ANKRD13C: variants seen among roughly 807,000 people sequenced by gnomAD.
ANKRD13C encodes the protein ankyrin repeat domain-containing protein 13C.
ANKRD13C carries 16 observed loss-of-function variants against 65.5 expected under a neutral mutation model. The ratio of observed to expected loss-of-function variants is 0.24; its 90% confidence interval spans 0.17 to 0.37. ANKRD13C has a LOEUF of 0.37. Ranked by LOEUF, ANKRD13C falls within the 10% of genes least tolerant of loss-of-function variation. ANKRD13C has a pLI of 1.00. For synonymous variants in ANKRD13C, 235 were observed against 238.7 expected (o/e 0.98, Z 0.14); for missense variants, 503 against 655.9 (o/e 0.77, Z 2.55).
chr1:70,344,956 T>C (rs1195296268), intron 1 of ANKRD13C, among the ~76,000 whole-genome samples: 2 of 152,142 alleles, frequency 1.3e-5, no homozygotes, highest in African/African-American at 4.8e-5. Flanking sequence ...GAGCAGTCTA[T>C]TTAAATTATT....
intron 9 of ANKRD13C, 47 bp downstream of exon 9, chr1:70,292,341 C>A: frequency 1.4e-6 from 2 of 1,394,570 alleles, no homozygotes; most frequent in South Asian, 1.6e-5. Flanking sequence ...GAAATCTATC[C>A]CCTCTCTTCT....
At chr1:70,283,904 G>T (rs1679511394) in intron 9 of ANKRD13C, among the ~76,000 whole-genome samples, 1 of 152,110 alleles carries the variant, frequency 6.6e-6, no homozygotes, top group Non-Finnish European at 1.5e-5. Context: ...TTTTATCAAT[G>T]ACTCTAAGGT....
intron 2 of ANKRD13C, among the ~76,000 whole-genome samples, chr1:70,326,463 TAA>T (rs766526707): frequency 4.6e-5 from 7 of 151,928 alleles, no homozygotes; most frequent in Non-Finnish European, 7.4e-5. Flanking sequence ...TTAAAAGAAA[TAA>T]GAGTGTTAAG....
chr1:70,354,080 C>T lies in ANKRD13C; in HGVS notation c.329G>A (p.Cys110Tyr). The T allele has an allele frequency of 6.2e-7, 1 of 1,611,080 alleles. No homozygotes were observed. The highest frequency in any genetic ancestry group is 8.5e-7 in the Non-Finnish European group (1 of 1,178,194). The change falls in exon 1 of 13, where the codon TGC (cysteine) becomes TAC (tyrosine). Residue 110 changes from cysteine (C) to tyrosine (Y), a missense_variant. Physicochemically the swap from Cys to Tyr is radical, Grantham distance 194 (BLOSUM62 -2). Transcript: ENST00000370944. ...CTCGTGCACCGGGTAGTGTGCGGGG[C>T]AACTGCCTCCATCCGCGACGACAGC... ...PVAVVADGGS[C>Y]PAHYPVHECV...
chr1:70,346,771 A>G (rs1450673440), intron 1 of ANKRD13C, among the ~76,000 whole-genome samples: 1 of 152,098 alleles, frequency 6.6e-6, no homozygotes. Flanking sequence ...CTTGCCTCAC[A>G]CAACAGCCCG....
intron 2 of ANKRD13C, among the ~76,000 whole-genome samples, chr1:70,335,182 G>A (rs760067929): frequency 4.9e-4 from 75 of 151,954 alleles, no homozygotes; most frequent in Non-Finnish European, 2.2e-4. Context: ...CGAGGCAGGC[G>A]GATCATGAGG....
Position 70,354,333 on chromosome 1 carries a change from C to G in ANKRD13C, c.76G>C (p.Gly26Arg), listed in dbSNP as rs753060944. 1 of 1,614,072 alleles carries G rather than the reference C, an allele frequency of 6.2e-7. No individual in the cohort carries two copies. The highest frequency in any genetic ancestry group is 8.5e-7 in the Non-Finnish European group (1 of 1,180,022). Reference protein sequence around the residue: ...SKEEGDLLEPGDEEAAAALGG... With the variant: ...SKEEGDLLEPRDEEAAAALGG... The stretch of plus-strand genomic sequence containing the variant: ...AGGGCAGCCGCCGCTTCCTCATCCC[C>G]GGGCTCCAGCAGGTCCCCTTCTTCT... Residue 26 changes from glycine (G) to arginine (R), a missense_variant, in exon 1 of 13, where the codon GGG becomes CGG. Gly to Arg is a moderately radical substitution (Grantham distance 125). Coordinates refer to ENST00000370944, the MANE Select transcript of ANKRD13C (RefSeq NM_030816.5).
intron 2 of ANKRD13C, among the ~76,000 whole-genome samples, chr1:70,335,177 C>G (rs935902777): frequency 1.3e-5 from 2 of 151,998 alleles, no homozygotes; most frequent in Non-Finnish European, 2.9e-5. Context: ...GAGGCCGAGG[C>G]AGGCGGATCA....
At chr1:70,284,875 A>G (rs56047219) in intron 9 of ANKRD13C, among the ~76,000 whole-genome samples, 15,171 of 152,054 alleles carry the variant, frequency 0.1, 2,499 homozygotes, top group African/African-American at 0.35. Flanking sequence ...TTCAGTTTTC[A>G]TTCCTGTTGT....
At chr1:70,318,743 C>T (rs914364305) in intron 3 of ANKRD13C, among the ~76,000 whole-genome samples, 2 of 140,386 alleles carry the variant, frequency 1.4e-5, no homozygotes, top group African/African-American at 2.7e-5. Flanking sequence ...AATGCAGCGG[C>T]GCAATCTTGG....
intron 1 of ANKRD13C, among the ~76,000 whole-genome samples, chr1:70,348,596 G>T (rs1572187388): frequency 2.0e-5 from 3 of 152,224 alleles, no homozygotes; most frequent in African/African-American, 4.8e-5. Flanking sequence ...TTCTGAAATT[G>T]AGATTTTTTC....
At chr1:70,318,895 A>G (rs887234163) in intron 3 of ANKRD13C, among the ~76,000 whole-genome samples, 4 of 151,900 alleles carry the variant, frequency 2.6e-5, no homozygotes, top group Non-Finnish European at 5.9e-5. Flanking sequence ...GTTGGCCAGG[A>G]TGGTCTCGAT....
chr1:70,341,870 G>A lies in ANKRD13C; in HGVS notation c.431-5771C>T, dbSNP rs1355180973. On this transcript the variant is annotated intron_variant, in intron 1 of 12. Coordinates refer to ENST00000370944, the MANE Select transcript of ANKRD13C (RefSeq NM_030816.5). ...TTGTCCTCATATAGAGAATGGATTG[G>A]AGGGGGACATAGGGAGACCAGTTAT... Among the ~76,000 whole-genome samples the A allele has an allele frequency of 3.3e-5, 5 of 152,158 alleles. No homozygotes were observed. The East Asian group carries it at 9.6e-4, about 29-fold the overall frequency.
At chr1:70,291,023 T>G (rs1679842293) in intron 9 of ANKRD13C, among the ~76,000 whole-genome samples, 1 of 151,886 alleles carries the variant, frequency 6.6e-6, no homozygotes, top group Non-Finnish European at 1.5e-5. Context: ...AGTAAAACAT[T>G]AACATCTGGG....
chr1:70,342,041 C>T (rs1003621541), intron 1 of ANKRD13C, among the ~76,000 whole-genome samples: 1 of 151,590 alleles, frequency 6.6e-6, no homozygotes, highest in Non-Finnish European at 1.5e-5. Flanking sequence ...AAAGAATGAT[C>T]TCAGTGACTG....
intron 2 of ANKRD13C, among the ~76,000 whole-genome samples, chr1:70,328,353 AT>A (rs1446182365): frequency 6.6e-6 from 1 of 152,104 alleles, no homozygotes; most frequent in African/African-American, 2.4e-5. Context: ...GTATATAATG[AT>A]TGCATTGTTT....
In ANKRD13C at chr1:70,318,984, C is replaced by T. The variant is rs188287423; in HGVS notation, c.578-3418G>A. On this transcript the variant is annotated intron_variant, in intron 3 of 12. Coordinates refer to ENST00000370944, the MANE Select transcript of ANKRD13C (RefSeq NM_030816.5). Reference sequence around the variant, plus strand: ...GCATGAGCCACCACGCCCGGCTAAACCTTTCTTTTAATTACTTTCTGATCT... The same window carrying T: ...GCATGAGCCACCACGCCCGGCTAAATCTTTCTTTTAATTACTTTCTGATCT... 2.6e-5 allele frequency among the ~76,000 whole-genome samples: 4 copies of T among 152,090 alleles called. No homozygotes were observed. The East Asian group carries it at 5.8e-4, about 22-fold the overall frequency.
rs920175702 is a variant in ANKRD13C at position 70,354,697 on chromosome 1, AGGGCAC to A, written c.-295_-290del. ...CCGTCGCTGCCTTACACCGAAAAACAGGGCACGGCCATCTTCCTCTTGCTCCTCTCG... is the reference window on the plus strand; with the variant it reads ...CCGTCGCTGCCTTACACCGAAAAACAGGCCATCTTCCTCTTGCTCCTCTCG... On this transcript the variant is annotated 5_prime_UTR_variant, in exon 1 of 13. Transcript: ENST00000370944. 1.2e-5 allele frequency: 9 copies of A among 749,012 alleles called. No individual in the cohort carries two copies. The highest frequency in any genetic ancestry group is 1.2e-4 in the Admixed American group (4 of 34,038). The allele number at this position is 749,012 out of a possible 1,614,324, so 46.4% of individuals were successfully genotyped here. A position where few individuals can be genotyped will look rare whatever the true frequency, so the allele number is the denominator to read the frequency against.
At chr1:70,296,021 C>A in intron 8 of ANKRD13C, 109 bp downstream of exon 8, 2 of 1,306,994 alleles carry the variant, frequency 1.5e-6, no homozygotes, top group Non-Finnish European at 1.0e-6. Flanking sequence ...GAGAAAAAAA[C>A]TACTTGGAGA....
Sources: allele counts gnomAD v4.1 joint callset (sites outside exome capture counted in the v4.1 genomes callset), GRCh38; gene constraint gnomAD v4.1.1; transcripts MANE v1.5; gene names NCBI Gene and HGNC (gene_info 2026-07-23, HGNC 2026-07-21).